Variants in CHMP3 observed in about 807,000 individuals in gnomAD.
The protein encoded by CHMP3 is 25.1 protein.
CHMP3 carries 8 observed loss-of-function variants against 27.4 expected under a neutral mutation model. The observed-to-expected ratio is 0.29, with a 90% CI of 0.17 to 0.53. CHMP3 has a LOEUF of 0.53. Ranked by LOEUF, CHMP3 falls within the 20% of genes least tolerant of loss-of-function variation. The pLI is 0.96. For synonymous variants in CHMP3, 86 were observed against 85.5 expected (o/e 1.01, Z -0.03); for missense variants, 208 against 271.5 (o/e 0.77, Z 1.64).
rs772796072 is a variant in CHMP3 at position 86,505,845 on chromosome 2, G to A, written c.628C>T (p.Leu210=). 1 of 1,602,912 alleles carries A rather than the reference G, an allele frequency of 6.2e-7. No individual in the cohort carries two copies. Among genetic ancestry groups the A allele is most frequent in the Non-Finnish European group, 8.5e-7 (1 of 1,174,558 alleles). ...SEDEEEEEEA[L]EAMQSRLATL... is the part of the protein sequence containing the mutation. ...GCCAGCCGGGACTGCATGGCCTCCA[G>A]AGCCTCTTCCTCCTCCTCCTCATCC... Residue 210 remains leucine, a synonymous_variant, in exon 6 of 6, where the codon CTG becomes TTG. Transcript: ENST00000263856.
At chr2:86,548,437 T>C (rs1573294245) in intron 1 of CHMP3, among the ~76,000 whole-genome samples, 1 of 152,306 alleles carries the variant, frequency 6.6e-6, no homozygotes, top group East Asian at 1.9e-4. Context: ...AAGCACATCT[T>C]GCACCACCCT....
chr2:86,526,037 G>A (rs1675696985), intron 3 of CHMP3, among the ~76,000 whole-genome samples: 1 of 152,152 alleles, frequency 6.6e-6, no homozygotes, highest in South Asian at 2.1e-4. Flanking sequence ...AACATTCAGA[G>A]GCCAAAGAGC....
chr2:86,521,787 A>G (rs928461618), intron 3 of CHMP3, among the ~76,000 whole-genome samples: 3 of 152,170 alleles, frequency 2.0e-5, no homozygotes, highest in African/African-American at 7.2e-5. Context: ...CGGCTGAATA[A>G]TATTCTATTA....
At chr2:86,520,455 C>G (rs1292704044) in intron 3 of CHMP3, among the ~76,000 whole-genome samples, 1 of 152,102 alleles carries the variant, frequency 6.6e-6, no homozygotes, top group African/African-American at 2.4e-5. Context: ...TGAGACACCA[C>G]TAGGGGGATG....
chr2:86,524,916 G>C (rs1314009444), intron 3 of CHMP3, among the ~76,000 whole-genome samples: 1 of 152,186 alleles, frequency 6.6e-6, no homozygotes, highest in Non-Finnish European at 1.5e-5. Flanking sequence ...TCTCTCCTCA[G>C]AAGTGAACCT....
intron 1 of CHMP3, 113 bp from the exon 2 acceptor site, chr2:86,542,425 C>T: frequency 9.2e-7 from 1 of 1,091,176 alleles, no homozygotes; most frequent in South Asian, 1.4e-5. Flanking sequence ...ATTTAAAAAG[C>T]CATTTTCAAA....
chr2:86,557,912 ATTTTTGT>A (rs1677188784), intron 1 of CHMP3, among the ~76,000 whole-genome samples: 1 of 152,060 alleles, frequency 6.6e-6, no homozygotes, highest in Non-Finnish European at 1.5e-5. Flanking sequence ...CTAGTGTCTT[ATTTTTGT>A]AAGCCTTATT....
At chr2:86,556,663 G>T (rs1677134598) in intron 1 of CHMP3, among the ~76,000 whole-genome samples, 1 of 151,990 alleles carries the variant, frequency 6.6e-6, no homozygotes, top group African/African-American at 2.4e-5. Context: ...GCTCTCTCGG[G>T]GAAGGCGGGG....
chr2:86,526,900 C>G (rs190338221), intron 3 of CHMP3: 1 of 151,688 alleles, frequency 6.6e-6, no homozygotes, highest in Non-Finnish European at 1.5e-5. Context: ...ATTTCAAAAA[C>G]GATGATAAAT....
intron 1 of CHMP3, among the ~76,000 whole-genome samples, chr2:86,557,630 A>G (rs913131814): frequency 2.6e-5 from 4 of 152,156 alleles, no homozygotes; most frequent in East Asian, 1.9e-4. Flanking sequence ...TTCCTCTAAC[A>G]TATGTTCCAC....
At chr2:86,544,634 C>T (rs1208376371) in intron 1 of CHMP3, among the ~76,000 whole-genome samples, 1 of 152,172 alleles carries the variant, frequency 6.6e-6, no homozygotes, top group Non-Finnish European at 1.5e-5. Context: ...TGACACAGCA[C>T]ATGTTTCAGA....
At chr2:86,534,300 G>T (rs2103960352) in intron 2 of CHMP3, among the ~76,000 whole-genome samples, 1 of 139,036 alleles carries the variant, frequency 7.2e-6, no homozygotes, top group East Asian at 2.3e-4. Flanking sequence ...CCAGGTTCAA[G>T]CAATTCTCCT....
chr2:86,509,005 C>A (rs1012482734), intron 4 of CHMP3, among the ~76,000 whole-genome samples: 33 of 152,310 alleles, frequency 2.2e-4, no homozygotes, highest in African/African-American at 7.5e-4. Flanking sequence ...AGCAACGATT[C>A]ATCAAAGTCC....
intron 4 of CHMP3, 65 bp from the exon 5 acceptor site, chr2:86,507,658 A>G: frequency 1.4e-6 from 2 of 1,407,574 alleles, no homozygotes; most frequent in Non-Finnish European, 2.0e-6. Flanking sequence ...CACCCTACAC[A>G]TCACCTAGAC....
At chr2:86,553,192 T>G (rs1676978281) in intron 1 of CHMP3, among the ~76,000 whole-genome samples, 1 of 147,260 alleles carries the variant, frequency 6.8e-6, no homozygotes, top group South Asian at 2.1e-4. Context: ...CCCTTGAACT[T>G]AAAAGTTGGA....
chr2:86,526,964 T>G (rs937337671), intron 3 of CHMP3: 4 of 152,088 alleles, frequency 2.6e-5, no homozygotes, highest in African/African-American at 4.8e-5. Flanking sequence ...CATAAAAATT[T>G]TAAGATTCAT....
chr2:86,558,825 A>C (rs1017137733), intron 1 of CHMP3, among the ~76,000 whole-genome samples: 5 of 148,186 alleles, frequency 3.4e-5, no homozygotes, highest in African/African-American at 1.2e-4. Context: ...ATCTTTGAAA[A>C]TTTCCTTCAC....
Position 86,504,960 on chromosome 2 carries a change from G to T in CHMP3, c.*844C>A, listed in dbSNP as rs1447339221. ...TTAAGAATGTCCCAGATGAGTGAAT[G>T]TTGGTTATGATGCATGACCACACCT... On this transcript the variant is annotated 3_prime_UTR_variant, in exon 6 of 6. Coordinates refer to ENST00000263856, the MANE Select transcript of CHMP3 (RefSeq NM_016079.4). 1 of 152,190 alleles carries T rather than the reference G, an allele frequency of 6.6e-6. No individual in the cohort carries two copies. The highest frequency in any genetic ancestry group is 1.5e-5 in the Non-Finnish European group (1 of 68,032). 9.4% of individuals were successfully genotyped at this position (152,190 alleles called of 1,614,324 possible).
intron 1 of CHMP3, among the ~76,000 whole-genome samples, chr2:86,553,626 G>A (rs967256036): frequency 5.3e-5 from 8 of 152,098 alleles, no homozygotes; most frequent in Admixed American, 1.3e-4. Context: ...CACCGCGCCC[G>A]ACCCCAAACA....
Sources: gnomAD v4.1 joint callset for allele counts (sites outside exome capture counted in the v4.1 genomes callset) on GRCh38, gnomAD v4.1.1 for gene constraint, MANE v1.5 for transcripts, NCBI Gene and HGNC (gene_info 2026-07-23, HGNC 2026-07-21) for gene names.